HERC4: variants seen among roughly 807,000 people sequenced by gnomAD.
The protein encoded by HERC4 is probable E3 ubiquitin-protein ligase HERC4.
Under a neutral mutation model 124.3 loss-of-function variants are expected in HERC4, and 28 were observed. The ratio of observed to expected loss-of-function variants is 0.23; its 90% CI spans 0.17 to 0.31. HERC4 has a LOEUF of 0.31. HERC4 is among the 10% of genes least tolerant of loss of function. The pLI, the probability that HERC4 is intolerant of heterozygous loss-of-function variation, is 1.00. For synonymous variants in HERC4, 407 were observed against 421.5 expected, an observed-to-expected ratio of 0.97 and a Z score of 0.42; for missense variants, 713 against 1,229.3, an observed-to-expected ratio of 0.58 and a Z score of 6.28.
chr10:68,072,643 T>C (rs1307534945), intron 3 of HERC4, among the ~76,000 whole-genome samples: 1 of 152,062 alleles, frequency 6.6e-6, no homozygotes. Flanking sequence ...TGATTTTCTT[T>C]ATTGTTTTAT....
intron 16 of HERC4, chr10:67,959,126 T>C (rs752495002): frequency 7.5e-6 from 12 of 1,598,404 alleles, no homozygotes; most frequent in South Asian, 1.1e-5. Context: ...AGTTAATCCA[T>C]GGTTGACATC....
At chr10:67,930,097 C>A (rs534967801) in intron 23 of HERC4, among the ~76,000 whole-genome samples, 1 of 152,188 alleles carries the variant, frequency 6.6e-6, no homozygotes, top group African/African-American at 2.4e-5. Context: ...TGAGCCACCG[C>A]GCCCGGCCCA....
chr10:68,067,274 TATG>T (rs1157555516), intron 3 of HERC4: 1 of 152,616 alleles, frequency 6.6e-6, no homozygotes, highest in Non-Finnish European at 1.5e-5. Context: ...CTGTTTGCAT[TATG>T]ATTTTTTTTC....
intron 3 of HERC4, among the ~76,000 whole-genome samples, chr10:68,071,767 T>C (rs1182170640): frequency 6.6e-6 from 1 of 152,226 alleles, no homozygotes; most frequent in East Asian, 1.9e-4. Flanking sequence ...ATTAAAAATC[T>C]ATTTTATGAA....
chr10:68,023,125 G>C (rs944772741), intron 8 of HERC4, among the ~76,000 whole-genome samples: 2 of 152,098 alleles, frequency 1.3e-5, no homozygotes, highest in Non-Finnish European at 2.9e-5. Context: ...ATGAGAAACA[G>C]TATGGCAGTT....
chr10:68,001,390 C>T (rs558591034), intron 9 of HERC4, among the ~76,000 whole-genome samples: 177 of 151,574 alleles, frequency 1.2e-3, no homozygotes, highest in African/African-American at 4.0e-3. Flanking sequence ...AAAAAAATTC[C>T]TCTTGTTTAC....
In HERC4 at chr10:67,956,877, C is replaced by CAA; in HGVS notation, c.2025_2025+1insTT (p.Met676LeufsTer19). The CAA allele has an allele frequency of 6.5e-7, 1 of 1,529,438 alleles. No homozygotes were observed. The highest frequency in any genetic ancestry group is 8.8e-7 in the Non-Finnish European group (1 of 1,133,438). 94.7% of individuals were successfully genotyped at this position (1,529,438 alleles called of 1,614,324 possible). A position where few individuals can be genotyped will look rare whatever the true frequency, so the allele number is the denominator to read the frequency against. ...AAAAACCCTCTCAAATAATATTTTA[C>CAA]CTGCATCTGTAAGACTGCATCGGTC... On this transcript the variant is annotated frameshift_variant and splice_region_variant. Transcript: ENST00000373700. LOFTEE classifies it high-confidence loss of function.
At chr10:67,955,745 T>G (rs2132312212) in intron 17 of HERC4, 1 of 152,260 alleles carries the variant, frequency 6.6e-6, no homozygotes, top group Non-Finnish European at 1.5e-5. Context: ...CACTACAGCC[T>G]GGGCGACAAG....
intron 22 of HERC4, among the ~76,000 whole-genome samples, chr10:67,933,619 A>G (rs563303011): frequency 1.3e-5 from 2 of 152,258 alleles, no homozygotes; most frequent in African/African-American, 4.8e-5. Context: ...GTTTTTTTTT[A>G]AAACAAGGAT....
At chr10:67,952,886 G>A (rs905469733) in intron 19 of HERC4, among the ~76,000 whole-genome samples, 1 of 150,658 alleles carries the variant, frequency 6.6e-6, no homozygotes, top group African/African-American at 2.4e-5. Flanking sequence ...GGCGACAGAG[G>A]GAGACTCAGT....
At chr10:68,022,163 G>C (rs184978132) in intron 8 of HERC4, among the ~76,000 whole-genome samples, 1 of 152,276 alleles carries the variant, frequency 6.6e-6, no homozygotes, top group Admixed American at 6.5e-5. Flanking sequence ...CATGGTCATG[G>C]ACTGGAAGAC....
chr10:68,053,863 C>T (rs868003668), intron 3 of HERC4, among the ~76,000 whole-genome samples: 2 of 152,090 alleles, frequency 1.3e-5, no homozygotes, highest in Admixed American at 1.3e-4. Flanking sequence ...TTTGTGTTCA[C>T]GTTAACAGGA....
chr10:67,939,615 T>C lies in HERC4; in HGVS notation c.2544A>G (p.Ile848Met). ...QQLLDYPEDD[I>M]EETFCLNFTI... ...TAAAATTAAGACAAAATGTTTCCTC[T>C]ATGTCATCTTCTGGATAATCCAGTA... Residue 848 changes from isoleucine (I) to methionine (M), a missense_variant, in exon 21 of 25, where the codon ATA (isoleucine) becomes ATG (methionine). Coordinates refer to ENST00000373700, the MANE Select transcript of HERC4 (RefSeq NM_015601.4). 1 of 1,609,600 alleles carries C rather than the reference T, an allele frequency of 6.2e-7. No homozygotes were observed.
At chr10:67,941,935 C>T (rs775162348) in intron 19 of HERC4, among the ~76,000 whole-genome samples, 2 of 151,992 alleles carry the variant, frequency 1.3e-5, no homozygotes, top group Non-Finnish European at 2.9e-5. Context: ...GGATTACAGG[C>T]GTGAGCCACC....
At chr10:67,926,498 G>A (rs2030988446) in intron 23 of HERC4, among the ~76,000 whole-genome samples, 1 of 151,866 alleles carries the variant, frequency 6.6e-6, no homozygotes, top group Non-Finnish European at 1.5e-5. Context: ...ACTGTGAACT[G>A]TTCTTATCCA....
At chr10:67,967,773 T>G (rs1443749809) in intron 15 of HERC4, among the ~76,000 whole-genome samples, 1 of 152,110 alleles carries the variant, frequency 6.6e-6, no homozygotes, top group African/African-American at 2.4e-5. Context: ...TAATCTAAAT[T>G]TTAGTTTATA....
intron 3 of HERC4, chr10:68,068,992 A>G: frequency 1.1e-6 from 1 of 948,880 alleles, no homozygotes; most frequent in Non-Finnish European, 1.3e-6. Flanking sequence ...TGTTTTTTAG[A>G]TAACAGGGCT....
chr10:68,034,040 C>A lies in HERC4; in HGVS notation c.610G>T (p.Val204Leu), dbSNP rs745365899. The A allele has an allele frequency of 6.2e-7, 1 of 1,614,056 alleles. No individual in the cohort carries two copies. Among genetic ancestry groups the A allele is most frequent in the South Asian group, 1.1e-5 (1 of 91,072 alleles). ...AAGATAGCTCCAGAAAGGGTGAGTA[C>A]AAAACTATGGGCTCCTCCTGCTGCA... ...QVAAGGAHSF[V>L]LTLSGAIFGW... The change falls in exon 6 of 25, where the codon GTA becomes TTA. Residue 204 changes from valine (V) to leucine (L), a missense_variant. Val to Leu is a conservative substitution (Grantham distance 32). Coordinates refer to ENST00000373700, the MANE Select transcript of HERC4 (RefSeq NM_015601.4).
rs1324468881 is a variant in HERC4 at position 67,930,538 on chromosome 10, T to C, written c.2838+2059A>G. Among the ~76,000 whole-genome samples, 4 of 152,356 alleles carry C rather than the reference T, an allele frequency of 2.6e-5. No individual in the cohort carries two copies. The South Asian group carries it at 6.2e-4, about 24-fold the overall frequency. On this transcript the variant is annotated intron_variant, in intron 23 of 24. Transcript: ENST00000373700. ...CCACTTTGTATCCCCATCGGCAACA[T>C]ATAAATGTTCCTGATGCTTTGCACC...
Sources: allele counts gnomAD v4.1 joint callset (sites outside exome capture counted in the v4.1 genomes callset), GRCh38; gene constraint gnomAD v4.1.1; transcripts MANE v1.5; gene names NCBI Gene and HGNC (gene_info 2026-07-23, HGNC 2026-07-21).